ARHGEF3: variants seen among roughly 807,000 people sequenced by gnomAD.
ARHGEF3 encodes Rho guanine nucleotide exchange factor 3, also known as 59.8 kDA protein.
ARHGEF3 carries 28 observed loss-of-function variants against 63.2 expected under a neutral mutation model. The observed-to-expected ratio is 0.44, with a 90% CI of 0.33 to 0.61. The LOEUF is 0.61. Among genes scored for constraint, ARHGEF3 ranks in the 20% least tolerant of loss-of-function variants. ARHGEF3 has a pLI of 0.03. For missense variants in ARHGEF3, 533 were observed against 659.3 expected, an observed-to-expected ratio of 0.81 and a Z score of 2.10; for synonymous variants, 266 against 254.2, an observed-to-expected ratio of 1.05 and a Z score of -0.44.
chr3:56,893,536 T>G (rs7626283), intron 3 of ARHGEF3, among the ~76,000 whole-genome samples: 45,050 of 152,148 alleles, frequency 0.3, 7,515 homozygotes, highest in Non-Finnish European at 0.38. Flanking sequence ...CATGGCACAG[T>G]GGCTCATGCC....
At chr3:56,786,123 C>G (rs2036796178) in intron 1 of ARHGEF3, among the ~76,000 whole-genome samples, 1 of 152,160 alleles carries the variant, frequency 6.6e-6, no homozygotes, top group African/African-American at 2.4e-5. Context: ...GGACACAGCA[C>G]CCGGGTGTTT....
intron 2 of ARHGEF3, among the ~76,000 whole-genome samples, chr3:56,768,581 C>T (rs113663114): frequency 2.0e-5 from 3 of 151,254 alleles, no homozygotes; most frequent in Non-Finnish European, 4.4e-5. Context: ...AATACTCCCC[C>T]CTAAGCTAGA....
chr3:56,845,821 A>G (rs1431880527), intron 4 of ARHGEF3, among the ~76,000 whole-genome samples: 1 of 152,226 alleles, frequency 6.6e-6, no homozygotes, highest in African/African-American at 2.4e-5. Context: ...GGTTTGTTGA[A>G]TGAATAAAGA....
intron 2 of ARHGEF3, among the ~76,000 whole-genome samples, chr3:56,968,754 TTTA>T (rs1416450341): frequency 2.6e-5 from 4 of 152,170 alleles, no homozygotes; most frequent in African/African-American, 9.7e-5. Flanking sequence ...TTAGAGATAC[TTTA>T]TTTTTTTTCA....
intron 2 of ARHGEF3, among the ~76,000 whole-genome samples, chr3:57,032,198 G>A (rs1461854039): frequency 6.6e-6 from 1 of 152,162 alleles, no homozygotes; most frequent in Non-Finnish European, 1.5e-5. Flanking sequence ...AAACCCCTTT[G>A]CAGAGAAACA....
intron 1 of ARHGEF3, among the ~76,000 whole-genome samples, chr3:57,071,811 C>A (rs1167876308): frequency 1.3e-5 from 2 of 151,976 alleles, no homozygotes; most frequent in Admixed American, 1.3e-4. Context: ...CTTCAAAGAA[C>A]ACCATCAAGA....
At chr3:56,822,037 GGAAAA>G (rs1348412055) in intron 4 of ARHGEF3, among the ~76,000 whole-genome samples, 39 of 130,530 alleles carry the variant, frequency 3.0e-4, no homozygotes, top group East Asian at 2.5e-3. Flanking sequence ...AGAGAAGCGA[GGAAAA>G]GAAAAGAAAA....
chr3:57,016,471 C>G (rs566707234), intron 2 of ARHGEF3, among the ~76,000 whole-genome samples: 1 of 152,084 alleles, frequency 6.6e-6, no homozygotes, highest in South Asian at 2.1e-4. Flanking sequence ...TTGCTTAAAC[C>G]CGGGAGGCGG....
chr3:56,830,961 C>A (rs2038912541), intron 4 of ARHGEF3, among the ~76,000 whole-genome samples: 2 of 152,300 alleles, frequency 1.3e-5, no homozygotes, highest in African/African-American at 4.8e-5. Context: ...CAGCCCCAGT[C>A]ACAGCCACCT....
In ARHGEF3 at chr3:56,849,892, G is replaced by A. The variant is rs116763491; in HGVS notation, c.192+32400C>T. Among the ~76,000 whole-genome samples the A allele has an allele frequency of 1.5e-3, 232 of 152,192 alleles. 1 individual carries two copies. Among genetic ancestry groups the A allele is most frequent in the African/African-American group, 5.4e-3 (225 of 41,524 alleles). On this transcript the variant is annotated intron_variant, in intron 4 of 12. Coordinates refer to the ARHGEF3 transcript ENST00000338458. ...CCGAGGGCCACTTTATACTCCTGCC[G>A]GGATATGACAGCTGAAAGGGCCTTT...
intron 2 of ARHGEF3, among the ~76,000 whole-genome samples, chr3:57,028,980 G>GACACAC (rs58006138): frequency 0.077 from 11,007 of 142,150 alleles, 490 homozygotes; most frequent in African/African-American, 0.11. Flanking sequence ...TAATGGTGAA[G>GACACAC]ACACACACAC....
chr3:56,786,838 A>C (rs1298262196), intron 1 of ARHGEF3, among the ~76,000 whole-genome samples: 1 of 152,118 alleles, frequency 6.6e-6, no homozygotes, highest in Non-Finnish European at 1.5e-5. Flanking sequence ...AAATGGGTAG[A>C]CAGTGGCAAC....
intron 4 of ARHGEF3, among the ~76,000 whole-genome samples, chr3:56,868,987 C>G (rs1335029563): frequency 6.6e-6 from 1 of 152,126 alleles, no homozygotes; most frequent in Non-Finnish European, 1.5e-5. Context: ...AACAAATTAA[C>G]TCATTAATTC....
intron 2 of ARHGEF3, among the ~76,000 whole-genome samples, chr3:57,014,050 T>C (rs895756279): frequency 6.6e-6 from 1 of 152,188 alleles, no homozygotes; most frequent in Non-Finnish European, 1.5e-5. Context: ...CGCGAAGGTC[T>C]GGAGCTTCAC....
intron 3 of ARHGEF3, among the ~76,000 whole-genome samples, chr3:56,885,546 T>C (rs556827859): frequency 6.6e-6 from 1 of 152,066 alleles, no homozygotes; most frequent in South Asian, 2.1e-4. Context: ...TGCACATTGA[T>C]GCAGGAAAGT....
At chr3:56,942,176 A>G (rs1302142018) in intron 3 of ARHGEF3, among the ~76,000 whole-genome samples, 1 of 152,232 alleles carries the variant, frequency 6.6e-6, no homozygotes, top group Non-Finnish European at 1.5e-5. Flanking sequence ...TTTTATTACA[A>G]GGATCTCTCA....
At chr3:56,774,594 A>G (rs1192461280) in intron 1 of ARHGEF3, among the ~76,000 whole-genome samples, 1 of 152,172 alleles carries the variant, frequency 6.6e-6, no homozygotes, top group Non-Finnish European at 1.5e-5. Flanking sequence ...TGCAGACAAG[A>G]ATTACATAAA....
At chr3:56,813,294 G>T (rs2038140252) in intron 4 of ARHGEF3, among the ~76,000 whole-genome samples, 2 of 152,202 alleles carry the variant, frequency 1.3e-5, no homozygotes, top group African/African-American at 2.4e-5. Flanking sequence ...GGGTTTTTAT[G>T]ATTCATGGGA....
intron 4 of ARHGEF3, among the ~76,000 whole-genome samples, chr3:56,832,573 ATTACAGAAAATTATCAT>A (rs1265609825): frequency 3.9e-5 from 6 of 152,370 alleles, no homozygotes; most frequent in African/African-American, 1.4e-4. Flanking sequence ...AGTCCATTTC[ATTACAGAAAATTATCAT>A]TAGAGAAAAT....
Sources: gnomAD v4.1 joint callset for allele counts (sites outside exome capture counted in the v4.1 genomes callset) on GRCh38, gnomAD v4.1.1 for gene constraint, MANE v1.5 for transcripts, NCBI Gene and HGNC (gene_info 2026-07-23, HGNC 2026-07-21) for gene names.